The following POPDC3 variants were observed in gnomAD, a reference collection of about 807,000 sequenced individuals.
POPDC3 encodes the protein popeye domain cAMP effector 3.
Under a neutral mutation model 28.2 loss-of-function variants are expected in POPDC3, and 20 were observed. The ratio of observed to expected loss-of-function variants is 0.71; its 90% CI spans 0.50 to 1.03. POPDC3 has a LOEUF of 1.03. Ranked by LOEUF, POPDC3 falls within the 50% of genes least tolerant of loss-of-function variation. The pLI, the probability that POPDC3 is intolerant of heterozygous loss-of-function variation, is 0.00. For synonymous variants in POPDC3, 118 were observed against 124.1 expected, an observed-to-expected ratio of 0.95 and a Z score of 0.33; for missense variants, 316 against 345.9, an observed-to-expected ratio of 0.91 and a Z score of 0.69.
intron 1 of POPDC3, among the ~76,000 whole-genome samples, chr6:105,170,183 T>G (rs1034055452): frequency 2.0e-5 from 3 of 152,190 alleles, no homozygotes; most frequent in Non-Finnish European, 4.4e-5. Flanking sequence ...GTTCTTCTGA[T>G]TTCTCCATAT....
intron 1 of POPDC3, among the ~76,000 whole-genome samples, chr6:105,164,983 C>T (rs1481866486): frequency 6.6e-6 from 1 of 152,192 alleles, no homozygotes; most frequent in East Asian, 1.9e-4. Context: ...GCATTTATTG[C>T]AACAGAACTT....
Position 105,158,706 on chromosome 6 carries a change from T to A in POPDC3, c.640A>T (p.Arg214Ter). ...GCAAAGAGCAGATATAATTTCTTTCTCCTCCAAGACACATATCGACAATCA... is the reference window on the plus strand; with the variant it reads ...GCAAAGAGCAGATATAATTTCTTTCACCTCCAAGACACATATCGACAATCA... Reference protein sequence around the residue: ...ETDCRYVSWRRKKLYLLFAQH... With the variant: ...ETDCRYVSWR The change falls in exon 4 of 4, where the codon AGA (arginine) becomes TGA (stop). Residue 214 changes from arginine (R) to a stop codon, truncating the protein, a stop_gained. Coordinates refer to ENST00000254765, the MANE Select transcript of POPDC3 (RefSeq NM_022361.5). LOFTEE classifies it high-confidence loss of function. The A allele has an allele frequency of 6.2e-7, 1 of 1,614,016 alleles. No homozygotes were observed. The highest frequency in any genetic ancestry group is 8.5e-7 in the Non-Finnish European group (1 of 1,179,946).
At chr6:105,165,017 C>G (rs181951223) in intron 1 of POPDC3, among the ~76,000 whole-genome samples, 1 of 152,160 alleles carries the variant, frequency 6.6e-6, no homozygotes, top group Admixed American at 6.5e-5. Flanking sequence ...CTCATTGCCA[C>G]GAGGGAGGCA....
intron 1 of POPDC3, among the ~76,000 whole-genome samples, chr6:105,163,395 C>G (rs1470145425): frequency 6.6e-6 from 1 of 152,130 alleles, no homozygotes; most frequent in African/African-American, 2.4e-5. Flanking sequence ...GATGACAGAG[C>G]TACAGGATAT....
At chr6:105,167,065 G>T (rs185138899) in intron 1 of POPDC3, among the ~76,000 whole-genome samples, 1 of 151,914 alleles carries the variant, frequency 6.6e-6, no homozygotes, top group African/African-American at 2.4e-5. Context: ...TTGGGATAAG[G>T]CTTAATAAAT....
chr6:105,178,040 G>A (rs189110099), intron 1 of POPDC3, among the ~76,000 whole-genome samples: 2 of 152,204 alleles, frequency 1.3e-5, no homozygotes, highest in East Asian at 1.9e-4. Context: ...TAAAACAATC[G>A]AATCGGTGAT....
chr6:105,160,323 T>C (rs955707738), intron 2 of POPDC3, among the ~76,000 whole-genome samples: 1 of 152,206 alleles, frequency 6.6e-6, no homozygotes, highest in Non-Finnish European at 1.5e-5. Context: ...GCGATTCTTG[T>C]GCCTCAGCCT....
Position 105,159,693 on chromosome 6 carries a change from T to G in POPDC3, c.594+18A>C. On this transcript the variant is annotated intron_variant, in intron 3 of 3. Transcript: ENST00000254765. ...TTTGAAAGAGGGAGTGCTAACTGTGTGTTCTGGTATCCCTTACCTGAAAAA... is the reference window on the plus strand; with the variant it reads ...TTTGAAAGAGGGAGTGCTAACTGTGGGTTCTGGTATCCCTTACCTGAAAAA... 2.9e-6 allele frequency: 4 copies of G among 1,385,862 alleles called. No homozygotes were observed. Among genetic ancestry groups the G allele is most frequent in the Non-Finnish European group, 4.1e-6 (4 of 972,750 alleles). The allele number at this position is 1,385,862 out of a possible 1,614,324, so 85.8% of individuals were successfully genotyped here. A position where few individuals can be genotyped will look rare whatever the true frequency, so the allele number is the denominator to read the frequency against.
At chr6:105,161,304 C>G in intron 2 of POPDC3, 121 bp downstream of exon 2, 5 of 1,074,240 alleles carry the variant, frequency 4.7e-6, no homozygotes, top group Non-Finnish European at 6.7e-6. Flanking sequence ...AAGACTTCCT[C>G]AAGCCTCAGG....
At chr6:105,161,215 T>C (rs1413954757) in intron 2 of POPDC3, among the ~76,000 whole-genome samples, 1 of 152,218 alleles carries the variant, frequency 6.6e-6, no homozygotes, top group African/African-American at 2.4e-5. Flanking sequence ...AGATGAAATA[T>C]TAAGGCTCTT....
chr6:105,162,362 A>G (rs1774354892), intron 1 of POPDC3, among the ~76,000 whole-genome samples: 1 of 152,212 alleles, frequency 6.6e-6, no homozygotes, highest in Non-Finnish European at 1.5e-5. Context: ...ATATTTTTCA[A>G]GGTAGCTAAG....
At chr6:105,160,617 G>A (rs1774302298) in intron 2 of POPDC3, among the ~76,000 whole-genome samples, 1 of 152,044 alleles carries the variant, frequency 6.6e-6, no homozygotes, top group African/African-American at 2.4e-5. Context: ...TTTTGAGATA[G>A]AGTCTCGTTC....
intron 1 of POPDC3, among the ~76,000 whole-genome samples, chr6:105,170,246 C>T (rs945658662): frequency 2.0e-5 from 3 of 152,142 alleles, no homozygotes; most frequent in African/African-American, 7.2e-5. Context: ...TGATGAGCTG[C>T]TATGACATCA....
intron 1 of POPDC3, chr6:105,178,563 GACACACACACACACACACAC>G (rs56060844): frequency 1.2e-4 from 19 of 153,066 alleles, no homozygotes; most frequent in Non-Finnish European, 1.7e-4. Flanking sequence ...AACTCCTGAA[GACACACACACACACACACAC>G]ACACACACAC....
At chr6:105,168,140 T>G (rs1001693335) in intron 1 of POPDC3, among the ~76,000 whole-genome samples, 10 of 152,256 alleles carry the variant, frequency 6.6e-5, no homozygotes, top group Admixed American at 1.3e-4. Flanking sequence ...GATGTCACCA[T>G]CTGGTTTCTG....
intron 1 of POPDC3, among the ~76,000 whole-genome samples, chr6:105,164,168 A>G (rs114508295): frequency 0.02 from 3,093 of 152,318 alleles, 36 homozygotes; most frequent in Non-Finnish European, 0.029. Context: ...AAGATTTGCT[A>G]GTGGAGCTCT....
intron 1 of POPDC3, among the ~76,000 whole-genome samples, chr6:105,173,390 T>G (rs759815606): frequency 2.6e-5 from 4 of 152,242 alleles, no homozygotes; most frequent in Non-Finnish European, 5.9e-5. Flanking sequence ...AGAACAATTA[T>G]AATGTAACAT....
intron 1 of POPDC3, chr6:105,178,857 T>C (rs1774730256): frequency 1.0e-6 from 1 of 985,440 alleles, no homozygotes. Flanking sequence ...AAACTTAGTA[T>C]GAACAGGCAA....
At chr6:105,173,213 C>T (rs1228208177) in intron 1 of POPDC3, among the ~76,000 whole-genome samples, 2 of 152,156 alleles carry the variant, frequency 1.3e-5, no homozygotes, top group Admixed American at 1.3e-4. Flanking sequence ...TTAATATAAA[C>T]TTGAAAATGA....
Sources: gnomAD v4.1 joint callset for allele counts (sites outside exome capture counted in the v4.1 genomes callset) on GRCh38, gnomAD v4.1.1 for gene constraint, MANE v1.5 for transcripts, NCBI Gene and HGNC (gene_info 2026-07-23, HGNC 2026-07-21) for gene names.